Variants in TMEM71 observed in about 807,000 individuals in gnomAD.
TMEM71 encodes transmembrane protein 71.
In TMEM71, 44 loss-of-function variants were observed where a neutral mutation model predicts 38.0. The observed-to-expected ratio is 1.16, with a 90% CI of 0.91 to 1.49. The LOEUF (loss-of-function observed/expected upper bound fraction) is 1.49. Among genes scored for constraint, TMEM71 ranks in the 40% most tolerant of loss-of-function variants. TMEM71 has a pLI of 0.00. For synonymous variants in TMEM71, 133 were observed against 122.5 expected, an observed-to-expected ratio of 1.09 and a Z score of -0.56; for missense variants, 367 against 348.6, an observed-to-expected ratio of 1.05 and a Z score of -0.42.
intron 5 of TMEM71, among the ~76,000 whole-genome samples, chr8:132,741,328 G>A (rs987881386): frequency 6.6e-6 from 1 of 152,106 alleles, no homozygotes; most frequent in Admixed American, 6.5e-5. Flanking sequence ...AGCCCCACAG[G>A]GTCGGTGGGT....
chr8:132,731,704 A>T (rs1175799511), intron 5 of TMEM71, among the ~76,000 whole-genome samples: 1 of 152,206 alleles, frequency 6.6e-6, no homozygotes, highest in Non-Finnish European at 1.5e-5. Flanking sequence ...AAGGGTTTAG[A>T]GACAGGGACA....
rs367860760 is a variant in TMEM71, at chr8:132,720,811, T to G, written c.752+1229A>C. 9.5e-4 allele frequency among the ~76,000 whole-genome samples: 144 copies of G among 152,318 alleles called. 3 individuals carry two copies. Among genetic ancestry groups the G allele is most frequent in the African/African-American group, 3.4e-3 (142 of 41,584 alleles). ...TCAAGAACCATAAAGACCCCTGGAC[T>G]GTTGTATTCACCTTTGTTTCATTGA... On this transcript the variant is annotated intron_variant, in intron 7 of 9. Coordinates refer to ENST00000677595, the MANE Select transcript of TMEM71 (RefSeq NM_001382403.1).
intron 7 of TMEM71, 145 bp from the exon 8 acceptor site, chr8:132,714,360 G>A: frequency 3.0e-6 from 2 of 672,998 alleles, no homozygotes; most frequent in Non-Finnish European, 5.2e-6. Flanking sequence ...AAAATGGACA[G>A]ACATACAGAT....
At chr8:132,773,564 T>C in the TMEM71 span, among the ~76,000 whole-genome samples, 2 of 152,216 alleles carry the variant, frequency 1.3e-5, no homozygotes, top group Non-Finnish European at 2.9e-5. Context: ...TTTTTCTCAG[T>C]CACTAGCTTG....
At chr8:132,720,476 G>T in intron 7 of TMEM71, among the ~76,000 whole-genome samples, 2 of 152,262 alleles carry the variant, frequency 1.3e-5, no homozygotes, top group Middle Eastern at 6.8e-3. Context: ...GCACATCATG[G>T]TCTTCCAGTT....
chr8:132,766,860 T>C, the TMEM71 span, among the ~76,000 whole-genome samples: 2 of 151,658 alleles, frequency 1.3e-5, no homozygotes. Flanking sequence ...TCTTATTTAA[T>C]CATGGCAACA....
chr8:132,734,597 T>G (rs1324943779), intron 5 of TMEM71, among the ~76,000 whole-genome samples: 2 of 152,166 alleles, frequency 1.3e-5, no homozygotes, highest in East Asian at 3.8e-4. Flanking sequence ...ACATAAAATT[T>G]TCTGAAAGAA....
chr8:132,739,938 C>G (rs1178904586), intron 5 of TMEM71, among the ~76,000 whole-genome samples: 2 of 152,182 alleles, frequency 1.3e-5, no homozygotes, highest in Non-Finnish European at 2.9e-5. Flanking sequence ...CCATTATCTC[C>G]CACCTGAATC....
intron 5 of TMEM71, among the ~76,000 whole-genome samples, chr8:132,732,385 C>T (rs1025831481): frequency 2.0e-5 from 3 of 152,088 alleles, no homozygotes; most frequent in African/African-American, 7.2e-5. Flanking sequence ...AATTACAATA[C>T]CTCAATCTAT....
chr8:132,763,776 G>A (rs1829331194), upstream of TMEM71, among the ~76,000 whole-genome samples: 1 of 152,228 alleles, frequency 6.6e-6, no homozygotes, highest in African/African-American at 2.4e-5. Context: ...TCTTACAGAA[G>A]TGAGGGAATT....
the TMEM71 span, among the ~76,000 whole-genome samples, chr8:132,769,799 G>C: frequency 6.6e-6 from 1 of 152,218 alleles, no homozygotes; most frequent in Non-Finnish European, 1.5e-5. Flanking sequence ...AAGCTACCCA[G>C]TCTCTGGTAT....
chr8:132,725,522 T>C (rs1439451615), intron 6 of TMEM71, among the ~76,000 whole-genome samples: 1 of 152,184 alleles, frequency 6.6e-6, no homozygotes, highest in East Asian at 1.9e-4. Flanking sequence ...CCACTTTGAG[T>C]TGGGTTTCCA....
At chr8:132,720,651 G>A (rs1826790238) in intron 7 of TMEM71, among the ~76,000 whole-genome samples, 1 of 152,104 alleles carries the variant, frequency 6.6e-6, no homozygotes, top group Non-Finnish European at 1.5e-5. Flanking sequence ...CCAATTCTCA[G>A]TAAATCTTAA....
chr8:132,740,197 C>G (rs898917524), intron 5 of TMEM71, among the ~76,000 whole-genome samples: 3 of 152,114 alleles, frequency 2.0e-5, no homozygotes, highest in Non-Finnish European at 4.4e-5. Context: ...CTACTATCCC[C>G]CCTCACTCAC....
At chr8:132,716,345 G>C (rs957219381) in intron 7 of TMEM71, among the ~76,000 whole-genome samples, 3 of 152,150 alleles carry the variant, frequency 2.0e-5, no homozygotes, top group Non-Finnish European at 2.9e-5. Flanking sequence ...GCTTGTAAAG[G>C]CTCAATATAT....
chr8:132,717,036 C>T (rs552250043), intron 7 of TMEM71, among the ~76,000 whole-genome samples: 23 of 152,280 alleles, frequency 1.5e-4, no homozygotes, highest in Middle Eastern at 3.4e-3. Context: ...CTACACTATA[C>T]GCAAAAGAAT....
chr8:132,709,604 T>C (rs115319288), downstream of TMEM71, among the ~76,000 whole-genome samples: 3,436 of 151,888 alleles, frequency 0.023, 137 homozygotes, highest in African/African-American at 0.079. Flanking sequence ...GAGAAGGTGA[T>C]GTAATGATGG....
intron 6 of TMEM71, among the ~76,000 whole-genome samples, chr8:132,726,943 C>T (rs533509869): frequency 1.3e-5 from 2 of 151,536 alleles, no homozygotes; most frequent in South Asian, 2.1e-4. Flanking sequence ...GCAACCTCCA[C>T]CTCCCAGGTT....
chr8:132,740,424 A>G (rs140046125), intron 5 of TMEM71, among the ~76,000 whole-genome samples: 13 of 152,322 alleles, frequency 8.5e-5, no homozygotes, highest in African/African-American at 2.9e-4. Context: ...ACCACTTATT[A>G]ACATGCTACA....
Sources: allele counts gnomAD v4.1 joint callset (sites outside exome capture counted in the v4.1 genomes callset), GRCh38; gene constraint gnomAD v4.1.1; transcripts MANE v1.5; gene names NCBI Gene and HGNC (gene_info 2026-07-23, HGNC 2026-07-21).